Variants in CNTNAP2 observed in about 807,000 individuals in gnomAD.
CNTNAP2 encodes contactin-associated protein-like 2.
In CNTNAP2, 98 loss-of-function variants were observed where a neutral mutation model predicts 155.2. The ratio of observed to expected loss-of-function variants is 0.63; its 90% CI spans 0.54 to 0.75. CNTNAP2 has a LOEUF of 0.75. CNTNAP2 is among the 30% of genes least tolerant of loss of function. The probability of loss-of-function intolerance (pLI) is 0.00; values close to 1 mark genes in which losing one functional copy is unlikely to be tolerated. For synonymous variants in CNTNAP2, 651 were observed against 631.2 expected, an observed-to-expected ratio of 1.03 and a Z score of -0.47; for missense variants, 1,727 against 1,688.1, an observed-to-expected ratio of 1.02 and a Z score of -0.40.
chr7:147,530,199 T>G (rs1799406802), intron 11 of CNTNAP2, among the ~76,000 whole-genome samples: 1 of 151,580 alleles, frequency 6.6e-6, no homozygotes, highest in South Asian at 2.1e-4. Flanking sequence ...TTTTTTTTTT[T>G]TTTTGAGACA....
chr7:146,554,583 C>T (rs1563132803), intron 1 of CNTNAP2, among the ~76,000 whole-genome samples: 1 of 152,072 alleles, frequency 6.6e-6, no homozygotes, highest in Non-Finnish European at 1.5e-5. Flanking sequence ...TTATATTGTA[C>T]ATGGAGATGA....
At chr7:146,675,898 A>G (rs1486811618) in intron 1 of CNTNAP2, among the ~76,000 whole-genome samples, 1 of 152,202 alleles carries the variant, frequency 6.6e-6, no homozygotes, top group African/African-American at 2.4e-5. Context: ...ATTAGTAAGT[A>G]GAATTTCATA....
chr7:147,576,334 T>A (rs1249584094), intron 12 of CNTNAP2, among the ~76,000 whole-genome samples: 1 of 152,090 alleles, frequency 6.6e-6, no homozygotes, highest in Non-Finnish European at 1.5e-5. Flanking sequence ...AGAGTGTGCA[T>A]CACTTATAAT....
intron 15 of CNTNAP2, among the ~76,000 whole-genome samples, chr7:148,101,964 C>A (rs1344380177): frequency 6.6e-6 from 1 of 152,114 alleles, no homozygotes; most frequent in Non-Finnish European, 1.5e-5. Flanking sequence ...AAAAGAGGAC[C>A]AAAACTTCTA....
intron 2 of CNTNAP2, among the ~76,000 whole-genome samples, chr7:146,833,510 T>A (rs1488843745): frequency 6.6e-6 from 1 of 152,184 alleles, no homozygotes; most frequent in Non-Finnish European, 1.5e-5. Context: ...TGCCTGTGCC[T>A]GGCAGTGTTT....
intron 13 of CNTNAP2, among the ~76,000 whole-genome samples, chr7:147,883,435 A>G (rs1430428487): frequency 6.6e-6 from 1 of 152,242 alleles, no homozygotes; most frequent in Non-Finnish European, 1.5e-5. Context: ...AAGTTATGAC[A>G]CAAGGAATAC....
At chr7:146,718,662 T>C (rs1377561748) in intron 1 of CNTNAP2, among the ~76,000 whole-genome samples, 1 of 152,150 alleles carries the variant, frequency 6.6e-6, no homozygotes, top group African/African-American at 2.4e-5. Context: ...TTAATATTGT[T>C]GAAGTTTAGA....
At chr7:147,518,802 G>A (rs551468127) in intron 11 of CNTNAP2, among the ~76,000 whole-genome samples, 3 of 152,148 alleles carry the variant, frequency 2.0e-5, no homozygotes, top group Admixed American at 1.3e-4. Context: ...AGGGCAAGGC[G>A]GGCGGATCAC....
chr7:146,929,780 T>G (rs1796704968), intron 3 of CNTNAP2, among the ~76,000 whole-genome samples: 1 of 152,064 alleles, frequency 6.6e-6, no homozygotes, highest in African/African-American at 2.4e-5. Context: ...GCTCGAGAAC[T>G]ACGTGAAGAA....
At chr7:146,569,984 G>A (rs758919592) in intron 1 of CNTNAP2, among the ~76,000 whole-genome samples, 8 of 152,138 alleles carry the variant, frequency 5.3e-5, no homozygotes, top group Admixed American at 4.6e-4. Flanking sequence ...CAGGGGCTAC[G>A]TGTATATATC....
At chr7:147,802,112 C>A (rs1267678970) in intron 13 of CNTNAP2, among the ~76,000 whole-genome samples, 1 of 146,206 alleles carries the variant, frequency 6.8e-6, no homozygotes, top group Admixed American at 6.8e-5. Flanking sequence ...GGCGGCCGGG[C>A]AGAGACGCTC....
chr7:147,063,568 G>A (rs965909778), intron 4 of CNTNAP2, among the ~76,000 whole-genome samples: 34 of 151,778 alleles, frequency 2.2e-4, no homozygotes, highest in African/African-American at 7.7e-4. Context: ...GAGCATATTG[G>A]GCCCAAGAAA....
chr7:147,163,353 A>G (rs1193524621), intron 8 of CNTNAP2, among the ~76,000 whole-genome samples: 2 of 152,208 alleles, frequency 1.3e-5, no homozygotes, highest in Non-Finnish European at 2.9e-5. Flanking sequence ...ACACAGCACC[A>G]ATTACTAGTA....
chr7:146,443,521 C>T (rs1313415867), intron 1 of CNTNAP2, among the ~76,000 whole-genome samples: 1 of 152,156 alleles, frequency 6.6e-6, no homozygotes, highest in African/African-American at 2.4e-5. Flanking sequence ...CGTAATAACT[C>T]TTACTGCTCC....
At chr7:146,271,858 A>C (rs1800087604) in intron 1 of CNTNAP2, among the ~76,000 whole-genome samples, 1 of 152,166 alleles carries the variant, frequency 6.6e-6, no homozygotes, top group African/African-American at 2.4e-5. Context: ...TTAAAACAAA[A>C]ATAAATATTT....
intron 3 of CNTNAP2, among the ~76,000 whole-genome samples, chr7:146,861,311 C>T (rs371488532): frequency 2.6e-5 from 4 of 152,210 alleles, no homozygotes; most frequent in African/African-American, 9.6e-5. Context: ...CCTCGGCCTC[C>T]CAAAGTGCTG....
chr7:147,828,759 T>A (rs926447875), intron 13 of CNTNAP2, among the ~76,000 whole-genome samples: 1 of 152,218 alleles, frequency 6.6e-6, no homozygotes, highest in Non-Finnish European at 1.5e-5. Context: ...GAAAGAGTAA[T>A]TAAAGTCTTA....
intron 4 of CNTNAP2, among the ~76,000 whole-genome samples, chr7:147,095,255 C>T (rs1027206549): frequency 4.1e-5 from 6 of 145,534 alleles, no homozygotes; most frequent in East Asian, 4.1e-4. Context: ...AGGCTGGTCT[C>T]GAACTCTTTA....
At chr7:147,242,081 G>A (rs556362183) in intron 8 of CNTNAP2, among the ~76,000 whole-genome samples, 9 of 152,130 alleles carry the variant, frequency 5.9e-5, no homozygotes, top group Non-Finnish European at 1.0e-4. Context: ...TTTTTTCATC[G>A]CTTTGTAAAT....
Sources: allele counts gnomAD v4.1 joint callset (sites outside exome capture counted in the v4.1 genomes callset), GRCh38; gene constraint gnomAD v4.1.1; transcripts MANE v1.5; gene names NCBI Gene and HGNC (gene_info 2026-07-23, HGNC 2026-07-21).